The following RSRC1 variants were observed in gnomAD, a reference collection of about 807,000 sequenced individuals.
RSRC1 encodes the protein arginine and serine rich coiled-coil 1, also known as serine/Arginine-related protein 53.
A neutral mutation model predicts 49.1 loss-of-function variants in RSRC1; 39 were observed. The observed-to-expected ratio is 0.79, with a 90% CI of 0.61 to 1.04. RSRC1 has a LOEUF of 1.04. RSRC1 is among the 50% of genes least tolerant of loss of function. The probability of loss-of-function intolerance (pLI) is 0.00; values close to 1 mark genes in which losing one functional copy is unlikely to be tolerated. For missense variants in RSRC1, 388 were observed against 402.4 expected, an observed-to-expected ratio of 0.96 and a Z score of 0.31; for synonymous variants, 143 against 130.8, an observed-to-expected ratio of 1.09 and a Z score of -0.63.
intron 4 of RSRC1, among the ~76,000 whole-genome samples, chr3:158,267,860 A>ATTTTTTT (rs368565806): frequency 3.2e-5 from 4 of 125,044 alleles, no homozygotes; most frequent in Non-Finnish European, 4.8e-5. Flanking sequence ...TTCCATATCT[A>ATTTTTTT]TTTTTTTTTT....
intron 7 of RSRC1, among the ~76,000 whole-genome samples, chr3:158,516,275 G>A (rs944335103): frequency 6.6e-6 from 1 of 151,814 alleles, no homozygotes; most frequent in African/African-American, 2.4e-5. Context: ...ATGGGTTTTT[G>A]GTGTGGATGT....
At chr3:158,232,030 T>A (rs1263233956) in intron 4 of RSRC1, among the ~76,000 whole-genome samples, 1 of 152,130 alleles carries the variant, frequency 6.6e-6, no homozygotes, top group Non-Finnish European at 1.5e-5. Flanking sequence ...TGTCACTTGT[T>A]GTTACTTTTT....
intron 7 of RSRC1, among the ~76,000 whole-genome samples, chr3:158,534,921 G>A (rs1326746024): frequency 6.6e-6 from 1 of 150,964 alleles, no homozygotes; most frequent in African/African-American, 2.4e-5. Context: ...ACAATGGAGG[G>A]GTAAACACAA....
intron 6 of RSRC1, among the ~76,000 whole-genome samples, chr3:158,457,182 T>C (rs1188352851): frequency 6.6e-6 from 1 of 152,160 alleles, no homozygotes; most frequent in Non-Finnish European, 1.5e-5. Context: ...AGCTCCTTTC[T>C]TGTTCAAAGT....
At chr3:158,489,667 G>A (rs2108446009) in intron 7 of RSRC1, among the ~76,000 whole-genome samples, 1 of 152,124 alleles carries the variant, frequency 6.6e-6, no homozygotes, top group African/African-American at 2.4e-5. Flanking sequence ...TTATATAAAA[G>A]ATATTTATGT....
chr3:158,302,554 C>T lies in RSRC1; in HGVS notation c.531+4479C>T, dbSNP rs1162834390. ...AGGTGGGTGGTTATTAGATGTTGCT[C>T]CTGACTTTTTTTTTTTTTTTTTTAA... On this transcript the variant is annotated intron_variant, in intron 5 of 9. Coordinates refer to ENST00000611884, the MANE Select transcript of RSRC1 (RefSeq NM_001271838.2). 3.7e-5 allele frequency: 5 copies of T among 134,054 alleles called. No individual in the cohort carries two copies. In the East Asian group the frequency reaches 1.1e-3, roughly 30 times the overall value. The allele number at this position is 134,054 out of a possible 1,614,324, so 8.3% of individuals were successfully genotyped here.
At chr3:158,499,424 G>T (rs1024494159) in intron 7 of RSRC1, among the ~76,000 whole-genome samples, 1 of 151,832 alleles carries the variant, frequency 6.6e-6, no homozygotes, top group Non-Finnish European at 1.5e-5. Context: ...GAAGAATGAT[G>T]GTGGTATTTT....
chr3:158,541,740 CTTG>C (rs1336310132), intron 8 of RSRC1, among the ~76,000 whole-genome samples: 1 of 151,792 alleles, frequency 6.6e-6, no homozygotes, highest in Non-Finnish European at 1.5e-5. Context: ...TCCTATTCAT[CTTG>C]TTTTTTTTTA....
At chr3:158,331,343 C>A (rs575106470) in intron 5 of RSRC1, among the ~76,000 whole-genome samples, 1 of 152,210 alleles carries the variant, frequency 6.6e-6, no homozygotes, top group South Asian at 2.1e-4. Context: ...GTTTCTTATG[C>A]TTTTTTGTTC....
intron 4 of RSRC1, among the ~76,000 whole-genome samples, chr3:158,236,924 G>A (rs1723280182): frequency 6.6e-6 from 1 of 152,166 alleles, no homozygotes; most frequent in South Asian, 2.1e-4. Flanking sequence ...ATTGGTGAAT[G>A]ATGGTAGTGG....
intron 5 of RSRC1, among the ~76,000 whole-genome samples, chr3:158,327,619 T>G (rs553650611): frequency 1.1e-4 from 16 of 152,216 alleles, no homozygotes; most frequent in Admixed American, 3.3e-4. Context: ...ATTTCTGTTC[T>G]TTTACATTTG....
chr3:158,273,070 G>A (rs1725610785), intron 4 of RSRC1, among the ~76,000 whole-genome samples: 1 of 151,994 alleles, frequency 6.6e-6, no homozygotes, highest in South Asian at 2.1e-4. Flanking sequence ...TCTGATATTA[G>A]TGGAAATTAA....
chr3:158,327,353 TC>T (rs1729221328), intron 5 of RSRC1, among the ~76,000 whole-genome samples: 1 of 152,154 alleles, frequency 6.6e-6, no homozygotes, highest in Non-Finnish European at 1.5e-5. Context: ...TTTCCTGCTG[TC>T]TCTTGTGGGC....
chr3:158,208,060 A>G (rs1434050793), intron 4 of RSRC1, among the ~76,000 whole-genome samples: 2 of 152,144 alleles, frequency 1.3e-5, no homozygotes, highest in Non-Finnish European at 2.9e-5. Flanking sequence ...GGACTAAAAG[A>G]TGCCTTTCCT....
chr3:158,349,555 A>G (rs1335929691), intron 5 of RSRC1, among the ~76,000 whole-genome samples: 1 of 120,910 alleles, frequency 8.3e-6, no homozygotes, highest in South Asian at 3.4e-4. Flanking sequence ...TTCTAACAGC[A>G]TTACAGTTTT....
chr3:158,203,931 CAG>C (rs1313172655), intron 4 of RSRC1, among the ~76,000 whole-genome samples: 4 of 152,130 alleles, frequency 2.6e-5, no homozygotes, highest in African/African-American at 9.7e-5. Flanking sequence ...TCTTTTTTAA[CAG>C]AGTAAATTTA....
intron 3 of RSRC1, chr3:158,132,176 G>A (rs1222165247): frequency 2.3e-6 from 1 of 441,342 alleles, no homozygotes; most frequent in Non-Finnish European, 4.6e-6. Context: ...GGCGGAGATG[G>A]GGTTTCACCA....
Position 158,138,340 on chromosome 3 carries a change from A to G in RSRC1, c.320+14349A>G, listed in dbSNP as rs530480979. Among the ~76,000 whole-genome samples the G allele has an allele frequency of 3.3e-5, 5 of 152,350 alleles. No individual in the cohort carries two copies. The South Asian group carries it at 1.0e-3, about 32-fold the overall frequency. On this transcript the variant is annotated intron_variant, in intron 3 of 9. Coordinates refer to ENST00000611884, the MANE Select transcript of RSRC1 (RefSeq NM_001271838.2). ...TTCTTTATGCAATATTTAGCACAGT[A>G]TCAAGTTGGAGACTTTCATATGTGC...
intron 4 of RSRC1, among the ~76,000 whole-genome samples, chr3:158,241,741 G>C (rs827173): frequency 0.69 from 104,920 of 151,822 alleles, 36,680 homozygotes; most frequent in East Asian, 0.84. Flanking sequence ...GTAAATCACT[G>C]AAGATGGCTC....
Sources: allele counts gnomAD v4.1 joint callset (sites outside exome capture counted in the v4.1 genomes callset), GRCh38; gene constraint gnomAD v4.1.1; transcripts MANE v1.5; gene names NCBI Gene and HGNC (gene_info 2026-07-23, HGNC 2026-07-21).